ZNF385B: variants seen among roughly 807,000 people sequenced by gnomAD.
ZNF385B encodes zinc finger protein 533.
In ZNF385B, 23 loss-of-function variants were observed where a neutral mutation model predicts 39.2. The observed-to-expected ratio is 0.59, with a 90% confidence interval of 0.42 to 0.83. ZNF385B has a LOEUF of 0.83. Ranked by LOEUF, ZNF385B falls within the 40% of genes least tolerant of loss-of-function variation. ZNF385B has a pLI of 0.00. For missense variants in ZNF385B, 552 were observed against 598.9 expected, an observed-to-expected ratio of 0.92 and a Z score of 0.82; for synonymous variants, 205 against 222.6, an observed-to-expected ratio of 0.92 and a Z score of 0.70.
At chr2:179,627,629 G>T (rs1025431020) in intron 3 of ZNF385B, among the ~76,000 whole-genome samples, 1 of 152,086 alleles carries the variant, frequency 6.6e-6, no homozygotes, top group African/African-American at 2.4e-5. Flanking sequence ...CACATTCCAC[G>T]AGGTCCCATC....
chr2:179,549,970 A>C (rs760617274), intron 3 of ZNF385B, among the ~76,000 whole-genome samples: 4 of 149,256 alleles, frequency 2.7e-5, no homozygotes, highest in Non-Finnish European at 5.9e-5. Context: ...ATTACTCTTC[A>C]AATTAGGTAA....
At chr2:179,746,922 G>A (rs1702415746) in intron 3 of ZNF385B, among the ~76,000 whole-genome samples, 2 of 152,076 alleles carry the variant, frequency 1.3e-5, no homozygotes, top group African/African-American at 4.8e-5. Flanking sequence ...GAAATAAAAT[G>A]TTTATTAAAA....
chr2:179,540,087 A>C (rs766490618), intron 4 of ZNF385B, among the ~76,000 whole-genome samples: 10 of 152,236 alleles, frequency 6.6e-5, no homozygotes, highest in Admixed American at 1.3e-4. Flanking sequence ...TACACCAGCC[A>C]AACAGAGAGA....
chr2:179,830,072 C>T (rs116383409), intron 1 of ZNF385B, among the ~76,000 whole-genome samples: 37 of 152,318 alleles, frequency 2.4e-4, no homozygotes, highest in African/African-American at 7.0e-4. Context: ...ATAGGCACCT[C>T]GCCAAAGAAG....
At position 179,476,943 on chromosome 2, in the gene ZNF385B, T is replaced by C. The variant is rs570614409; in HGVS notation, c.715+6329A>G. Reference sequence around the variant, plus strand: ...GAAATTTTGGCCTCTCGGATTTAGATAGATGTATGCCAAATTTATGAGGGT... The same window carrying C: ...GAAATTTTGGCCTCTCGGATTTAGACAGATGTATGCCAAATTTATGAGGGT... On this transcript the variant is annotated intron_variant, in intron 6 of 9. Coordinates refer to ENST00000410066, the MANE Select transcript of ZNF385B (RefSeq NM_152520.6). Among the ~76,000 whole-genome samples, 4 of 152,328 alleles carry C rather than the reference T, an allele frequency of 2.6e-5. No homozygotes were observed. In the East Asian group the frequency reaches 7.7e-4, roughly 29 times the overall value.
intron 5 of ZNF385B, among the ~76,000 whole-genome samples, chr2:179,516,901 T>C (rs114573702): frequency 3.3e-5 from 5 of 152,084 alleles, no homozygotes; most frequent in African/African-American, 4.8e-5. Flanking sequence ...AATGATCCTA[T>C]TGAATTAATT....
intron 3 of ZNF385B, among the ~76,000 whole-genome samples, chr2:179,732,735 T>G (rs1164691801): frequency 6.6e-6 from 1 of 152,212 alleles, no homozygotes; most frequent in Admixed American, 6.5e-5. Flanking sequence ...GATTCTGTAT[T>G]ACAACCCCAA....
At chr2:179,499,921 G>C (rs2056602462) in intron 5 of ZNF385B, among the ~76,000 whole-genome samples, 1 of 151,794 alleles carries the variant, frequency 6.6e-6, no homozygotes, top group Non-Finnish European at 1.5e-5. Context: ...TATTAGGACT[G>C]ATAAAAAAAA....
intron 1 of ZNF385B, among the ~76,000 whole-genome samples, chr2:179,826,175 G>A (rs1707672405): frequency 6.6e-6 from 1 of 152,124 alleles, no homozygotes; most frequent in South Asian, 2.1e-4. Flanking sequence ...AGAGTTTAGG[G>A]TTTGGAATTG....
chr2:179,512,111 C>T (rs1267466046), intron 5 of ZNF385B, among the ~76,000 whole-genome samples: 1 of 151,998 alleles, frequency 6.6e-6, no homozygotes, highest in Non-Finnish European at 1.5e-5. Flanking sequence ...ATTTCAGGGT[C>T]AATTCTGACT....
chr2:179,804,335 C>T (rs113875285), intron 1 of ZNF385B, among the ~76,000 whole-genome samples: 203 of 152,326 alleles, frequency 1.3e-3, no homozygotes, highest in African/African-American at 4.2e-3. Flanking sequence ...TCTAAGACAT[C>T]TGGACCAGTG....
At chr2:179,499,888 T>C (rs960600503) in intron 5 of ZNF385B, among the ~76,000 whole-genome samples, 6 of 151,848 alleles carry the variant, frequency 4.0e-5, no homozygotes, top group Admixed American at 2.0e-4. Flanking sequence ...TATTTGTAAA[T>C]AAAGACTCTC....
chr2:179,611,025 C>T (rs1252666303), intron 3 of ZNF385B, among the ~76,000 whole-genome samples: 1 of 151,980 alleles, frequency 6.6e-6, no homozygotes, highest in Admixed American at 6.6e-5. Flanking sequence ...ATTTAGACGC[C>T]CTTTCTTTTA....
At chr2:179,638,903 A>G (rs957511174) in intron 3 of ZNF385B, among the ~76,000 whole-genome samples, 1 of 152,138 alleles carries the variant, frequency 6.6e-6, no homozygotes, top group African/African-American at 2.4e-5. Flanking sequence ...GAAAAATTAC[A>G]GAAATGGATT....
At chr2:179,702,916 A>C (rs1575283368) in intron 3 of ZNF385B, among the ~76,000 whole-genome samples, 1 of 152,172 alleles carries the variant, frequency 6.6e-6, no homozygotes, top group African/African-American at 2.4e-5. Context: ...AAACATCTTC[A>C]AAAGGAATCC....
intron 4 of ZNF385B, among the ~76,000 whole-genome samples, chr2:179,521,170 T>TTTTTG (rs1281885495): frequency 7.4e-5 from 11 of 148,072 alleles, no homozygotes; most frequent in Non-Finnish European, 1.3e-4. Flanking sequence ...TAATACAGTT[T>TTTTTG]TTTTTGTTTT....
intron 1 of ZNF385B, among the ~76,000 whole-genome samples, chr2:179,780,379 C>T (rs1407283637): frequency 6.6e-6 from 1 of 152,170 alleles, no homozygotes; most frequent in East Asian, 1.9e-4. Flanking sequence ...AGGATGGGGC[C>T]TCCTGACCCA....
At chr2:179,733,902 T>C (rs1264743655) in intron 3 of ZNF385B, among the ~76,000 whole-genome samples, 1 of 152,092 alleles carries the variant, frequency 6.6e-6, no homozygotes, top group African/African-American at 2.4e-5. Context: ...CAGTCTCCCA[T>C]GAAATAAATT....
At chr2:179,476,929 C>T (rs2053499129) in intron 6 of ZNF385B, among the ~76,000 whole-genome samples, 1 of 152,060 alleles carries the variant, frequency 6.6e-6, no homozygotes, top group Admixed American at 6.6e-5. Context: ...AAATTTTGGC[C>T]TCTCGGATTT....
Sources: allele counts gnomAD v4.1 joint callset (sites outside exome capture counted in the v4.1 genomes callset), GRCh38; gene constraint gnomAD v4.1.1; transcripts MANE v1.5; gene names NCBI Gene and HGNC (gene_info 2026-07-23, HGNC 2026-07-21).